NRXN1: variants seen among roughly 807,000 people sequenced by gnomAD.
The protein encoded by NRXN1 is neurexin 1, also known as neurexin-1.
In NRXN1, 39 loss-of-function variants were observed where a neutral mutation model predicts 150.9. The observed-to-expected ratio is 0.26, with a 90% CI of 0.20 to 0.34. The LOEUF is 0.34. Ranked by LOEUF, NRXN1 falls within the 10% of genes least tolerant of loss-of-function variation. NRXN1 has a pLI of 1.00. For synonymous variants in NRXN1, 924 were observed against 757.0 expected (o/e 1.22, Z -3.62); for missense variants, 1,815 against 1,949.9 (o/e 0.93, Z 1.30).
intron 5 of NRXN1, among the ~76,000 whole-genome samples, chr2:50,652,590 T>A (rs550626507): frequency 5.0e-4 from 76 of 152,198 alleles, no homozygotes; most frequent in African/African-American, 1.8e-3. Context: ...TGCTCACTCA[T>A]CAGTTGATGC....
At chr2:50,973,055 G>A (rs1447851608) in intron 2 of NRXN1, among the ~76,000 whole-genome samples, 4 of 152,084 alleles carry the variant, frequency 2.6e-5, no homozygotes, top group South Asian at 2.1e-4. Flanking sequence ...GGTGTCTTCC[G>A]TGTCTGTTTT....
intron 2 of NRXN1, among the ~76,000 whole-genome samples, chr2:50,937,001 C>A (rs1402714243): frequency 6.6e-6 from 1 of 152,084 alleles, no homozygotes; most frequent in Non-Finnish European, 1.5e-5. Context: ...TTGGAGAGAG[C>A]AAGGTGCCTC....
chr2:50,032,111 T>C (rs1189861568), intron 21 of NRXN1, among the ~76,000 whole-genome samples: 2 of 152,030 alleles, frequency 1.3e-5, no homozygotes, highest in Non-Finnish European at 2.9e-5. Context: ...ATAAAAATGA[T>C]AGATATGCTA....
At chr2:50,776,275 C>T (rs1277196373) in intron 5 of NRXN1, among the ~76,000 whole-genome samples, 1 of 152,046 alleles carries the variant, frequency 6.6e-6, no homozygotes, top group East Asian at 1.9e-4. Context: ...GTCCGTACTT[C>T]TTTCAAATAA....
At chr2:50,075,199 C>T (rs1247906385) in intron 19 of NRXN1, among the ~76,000 whole-genome samples, 1 of 152,154 alleles carries the variant, frequency 6.6e-6, no homozygotes, top group Non-Finnish European at 1.5e-5. Context: ...TATTATACAC[C>T]TTTCTTCATC....
intron 19 of NRXN1, among the ~76,000 whole-genome samples, chr2:50,085,244 G>A (rs1698615669): frequency 6.6e-6 from 1 of 152,152 alleles, no homozygotes; most frequent in Admixed American, 6.5e-5. Flanking sequence ...GAAGTTTAAG[G>A]AGGGATGTTG....
intron 5 of NRXN1, among the ~76,000 whole-genome samples, chr2:50,733,892 T>C (rs1698408267): frequency 6.6e-6 from 1 of 152,164 alleles, no homozygotes. Context: ...ACCTAAAAAC[T>C]CTATTTTTTT....
intron 15 of NRXN1, 57 bp downstream of exon 15, chr2:50,495,848 A>G: frequency 6.9e-7 from 1 of 1,445,760 alleles, no homozygotes; most frequent in South Asian, 1.5e-5. Flanking sequence ...AGGATTTTCC[A>G]TGTGAAGGGA....
chr2:50,160,928 T>A lies in NRXN1; in HGVS notation c.3547-69434A>T, dbSNP rs1166221983. ...ACCTTTACAAGGAATAGTAGCATCC[T>A]ATGAAAAGTTGGCTTAATATTTGAT... On this transcript the variant is annotated intron_variant, in intron 18 of 22. Transcript: ENST00000401669. Among the ~76,000 whole-genome samples, 3 of 152,178 alleles carry A rather than the reference T, an allele frequency of 2.0e-5. No individual in the cohort carries two copies. The East Asian group carries it at 5.8e-4, about 29-fold the overall frequency.
intron 15 of NRXN1, among the ~76,000 whole-genome samples, chr2:50,482,295 A>C (rs2090534456): frequency 6.6e-6 from 1 of 152,196 alleles, no homozygotes; most frequent in Admixed American, 6.5e-5. Context: ...TGCCAGTAAC[A>C]GTGTGGCAGA....
At chr2:50,978,281 T>TATATATATATATATATAAA (rs1558524248) in intron 2 of NRXN1, among the ~76,000 whole-genome samples, 4 of 76,908 alleles carry the variant, frequency 5.2e-5, no homozygotes, top group African/African-American at 1.5e-4. Flanking sequence ...CATATATATA[T>TATATATATATATATATAAA]ATATATATAT....
intron 17 of NRXN1, among the ~76,000 whole-genome samples, chr2:50,445,755 G>A (rs529067893): frequency 2.6e-5 from 4 of 152,162 alleles, no homozygotes; most frequent in East Asian, 1.9e-4. Context: ...ATGAGCAAAC[G>A]GTATGACAGA....
chr2:50,684,645 A>T (rs1263024239), intron 5 of NRXN1, among the ~76,000 whole-genome samples: 1 of 152,170 alleles, frequency 6.6e-6, no homozygotes, highest in East Asian at 1.9e-4. Context: ...GGTGGCCATA[A>T]ATTGACACAT....
intron 5 of NRXN1, among the ~76,000 whole-genome samples, chr2:50,698,176 C>T (rs1693206321): frequency 6.6e-6 from 1 of 152,208 alleles, no homozygotes; most frequent in African/African-American, 2.4e-5. Flanking sequence ...AGTGCTGGCA[C>T]TTAGTAGGTG....
chr2:50,098,801 C>T (rs1700579009), intron 18 of NRXN1, among the ~76,000 whole-genome samples: 1 of 135,106 alleles, frequency 7.4e-6, no homozygotes, highest in South Asian at 2.5e-4. Context: ...AGGGTTACTA[C>T]AGGGTGCATG....
At chr2:50,984,510 A>G (rs950634096) in intron 2 of NRXN1, among the ~76,000 whole-genome samples, 5 of 152,042 alleles carry the variant, frequency 3.3e-5, no homozygotes, top group Admixed American at 6.6e-5. Context: ...TATACAGGGT[A>G]TTAGATTTCC....
At chr2:50,452,455 G>T (rs914323388) in intron 17 of NRXN1, among the ~76,000 whole-genome samples, 8 of 152,078 alleles carry the variant, frequency 5.3e-5, no homozygotes, top group African/African-American at 1.9e-4. Context: ...GAGGAAACTG[G>T]GGCCCACACA....
chr2:50,466,828 T>C (rs1405203199), intron 16 of NRXN1, among the ~76,000 whole-genome samples: 2 of 151,848 alleles, frequency 1.3e-5, no homozygotes, highest in East Asian at 3.9e-4. Flanking sequence ...GTGTTGCTTA[T>C]TTGGAACATG....
intron 5 of NRXN1, among the ~76,000 whole-genome samples, chr2:50,766,438 AGTGATTGGCAG>A (rs1361265811): frequency 1.3e-5 from 2 of 152,140 alleles, no homozygotes; most frequent in Admixed American, 6.6e-5. Flanking sequence ...CAAGCTCCTC[AGTGATTGGCAG>A]GAGCTTTGAG....
Sources: allele counts gnomAD v4.1 joint callset (sites outside exome capture counted in the v4.1 genomes callset), GRCh38; gene constraint gnomAD v4.1.1; transcripts MANE v1.5; gene names NCBI Gene and HGNC (gene_info 2026-07-23, HGNC 2026-07-21).